TMEM225: variants seen among roughly 807,000 people sequenced by gnomAD.
The protein encoded by TMEM225 is PMP22 claudin domain-containing protein.
TMEM225 carries 10 observed loss-of-function variants against 17.6 expected under a neutral mutation model. The observed-to-expected ratio is 0.57, with a 90% CI of 0.35 to 0.96. The LOEUF is 0.96. Ranked by LOEUF, TMEM225 falls within the 40% of genes least tolerant of loss-of-function variation. The probability of loss-of-function intolerance (pLI) is 0.02; values close to 1 mark genes in which losing one functional copy is unlikely to be tolerated. For missense variants in TMEM225, 245 were observed against 271.5 expected, an observed-to-expected ratio of 0.90 and a Z score of 0.69; for synonymous variants, 101 against 94.5, an observed-to-expected ratio of 1.07 and a Z score of -0.40.
rs768866977 is a variant in TMEM225, at chr11:123,885,322, T to C, written c.104A>G (p.Glu35Gly). The change falls in exon 1 of 4, where the codon GAA becomes GGA. Residue 35 changes from glutamate (E) to glycine (G), a missense_variant. Physicochemically the swap from Glu to Gly is moderately conservative, Grantham distance 98. Coordinates refer to ENST00000375026, the MANE Select transcript of TMEM225 (RefSeq NM_001013743.3). ...GGCTCTTTCATCTTCTGAAATCAAT[T>C]CAACCCATTTATCTAAGGTGATTCC... ...VMGITLDKWV[E>G]LISEDERAKM... 20 of 1,613,546 alleles carry C rather than the reference T, an allele frequency of 1.2e-5. No homozygotes were observed. The highest frequency in any genetic ancestry group is 1.7e-5 in the Admixed American group (1 of 59,960).
At chr11:123,884,701 G>T (rs1462794487) in intron 1 of TMEM225, 65 bp from the exon 2 acceptor site, 7 of 1,480,240 alleles carry the variant, frequency 4.7e-6, no homozygotes, top group South Asian at 2.7e-5. Flanking sequence ...TCTACCTGGG[G>T]TCCAGAAGTC....
rs1565564290 is a variant in TMEM225 at position 123,884,586 on chromosome 11, A to C, written c.232T>G (p.Phe78Val). 6.2e-7 allele frequency: 1 copy of C among 1,613,432 alleles called. No individual in the cohort carries two copies. Among genetic ancestry groups the C allele is most frequent in the South Asian group, 1.1e-5 (1 of 91,032 alleles). The change falls in exon 2 of 4, where the codon TTC becomes GTC. Residue 78 changes from phenylalanine to valine, a missense_variant. Coordinates refer to ENST00000375026, the MANE Select transcript of TMEM225 (RefSeq NM_001013743.3). ...IMMTSSLGLS[F>V]LLNLILGMKF... ...ATACCCAGGATTAAGTTAAGGAGGAAGGAAAGGCCAAGGCTCGACGTCATC... is the reference window on the plus strand; with the variant it reads ...ATACCCAGGATTAAGTTAAGGAGGACGGAAAGGCCAAGGCTCGACGTCATC...
rs770998346 is a variant in TMEM225 at position 123,883,115 on chromosome 11, A to G, written c.*23T>C. The G allele has an allele frequency of 2.5e-6, 4 of 1,599,368 alleles. No homozygotes were observed. The African/African-American group carries it at 4.0e-5, about 16-fold the overall frequency. On this transcript the variant is annotated 3_prime_UTR_variant, in exon 4 of 4. Transcript: ENST00000375026. ...GCTTTTTCCATAAAGATGAGCATAT[A>G]CTGCAAGAAATAGATTGCCAAATCA... is the stretch of plus-strand genomic sequence containing the variant.
rs1292411993 is a variant in TMEM225 at position 123,883,022 on chromosome 11, T to C, written c.*116A>G. ...TTTTAAAAAACCATCTTCCAGATCT[T>C]TTTACAAACCCCAACCATAATTCCA... is the stretch of plus-strand genomic sequence containing the variant. On this transcript the variant is annotated 3_prime_UTR_variant, in exon 4 of 4. Coordinates refer to ENST00000375026, the MANE Select transcript of TMEM225 (RefSeq NM_001013743.3). 5.7e-5 allele frequency: 48 copies of C among 846,836 alleles called. No homozygotes were observed. The East Asian group carries it at 1.2e-3, about 21-fold the overall frequency. The allele number at this position is 846,836 out of a possible 1,614,324, so 52.5% of individuals were successfully genotyped here.
chr11:123,884,285 G>A, intron 2 of TMEM225, 76 bp from the exon 3 acceptor site: 1 of 1,486,238 alleles, frequency 6.7e-7, no homozygotes, highest in Non-Finnish European at 8.9e-7. Context: ...GCTCCTTGAT[G>A]CAAGTCTTCA....
At position 123,885,615 on chromosome 11, in the gene TMEM225, A is replaced by C; in HGVS notation, c.-190T>G. On this transcript the variant is annotated 5_prime_UTR_variant, in exon 1 of 4. Coordinates refer to ENST00000375026, the MANE Select transcript of TMEM225 (RefSeq NM_001013743.3). ...TCACCCTTCCTCACTTCCGTTATCT[A>C]TCAGGGCCAGCCTGCTGTCAGGACT... The C allele has an allele frequency of 3.3e-6, 2 of 597,982 alleles. No homozygotes were observed. Among genetic ancestry groups the C allele is most frequent in the Non-Finnish European group, 2.9e-6 (1 of 344,124 alleles). 37.0% of individuals were successfully genotyped at this position (597,982 alleles called of 1,614,324 possible). A position where few individuals can be genotyped will look rare whatever the true frequency, so the allele number is the denominator to read the frequency against.
Position 123,884,218 on chromosome 11 carries a change from CAGACA to C in TMEM225, c.329-14_329-10del. The stretch of plus-strand genomic sequence containing the variant: ...CCAGAGCAGAGAGATACCTGATGTC[CAGACA>C]AAAAAAAAAAAAAAAAAAGAAAAAG... On this transcript the variant is annotated splice_polypyrimidine_tract_variant and intron_variant, in intron 2 of 3. Transcript: ENST00000375026. The C allele has an allele frequency of 1.6e-6, 2 of 1,241,018 alleles. No individual in the cohort carries two copies. The highest frequency in any genetic ancestry group is 2.1e-5 in the South Asian group (1 of 47,550). The allele number at this position is 1,241,018 out of a possible 1,614,324, so 76.9% of individuals were successfully genotyped here. A position where few individuals can be genotyped will look rare whatever the true frequency, so the allele number is the denominator to read the frequency against.
At chr11:123,885,168 T>TA in intron 1 of TMEM225, 77 bp downstream of exon 1, 1 of 1,323,782 alleles carries the variant, frequency 7.6e-7, no homozygotes, top group Non-Finnish European at 1.1e-6. Context: ...CTGGTGAGAT[T>TA]AATGCAAGTT....
At position 123,884,156 on chromosome 11, in the gene TMEM225, G is replaced by C. The variant is rs762199953; in HGVS notation, c.382C>G (p.Gln128Glu). The C allele has an allele frequency of 6.2e-7, 1 of 1,603,288 alleles. No individual in the cohort carries two copies. The highest frequency in any genetic ancestry group is 8.5e-7 in the Non-Finnish European group (1 of 1,176,466). Residue 128 changes from glutamine to glutamate, a missense_variant, in exon 3 of 4, where the codon CAA becomes GAA. Gln to Glu is a conservative substitution (Grantham distance 29, BLOSUM62 2). Transcript: ENST00000375026. ...ILYHNKLKQG[Q>E]SMHFSSYRIT... is the part of the protein sequence containing the mutation. ...CTATAACTAGAGAAGTGCATGGATT[G>C]ACCTTGCTTCAGCTTATTGTGATAT...
Position 123,884,192 on chromosome 11 carries a change from C to G in TMEM225, c.346G>C (p.Ala116Pro), listed in dbSNP as rs759694156. 1 of 1,591,182 alleles carries G rather than the reference C, an allele frequency of 6.3e-7. No individual in the cohort carries two copies. Among genetic ancestry groups the G allele is most frequent in the South Asian group, 1.1e-5 (1 of 88,734 alleles). Reference protein sequence around the residue: ...SFFSGISLLWALILYHNKLKQ... With the variant: ...SFFSGISLLWPLILYHNKLKQ... The stretch of plus-strand genomic sequence containing the variant: ...AGCTTATTGTGATATAGTATGAGTG[C>G]CCAGAGCAGAGAGATACCTGATGTC... The change falls in exon 3 of 4, where the codon GCA becomes CCA. Residue 116 changes from alanine to proline, a missense_variant. Coordinates refer to ENST00000375026, the MANE Select transcript of TMEM225 (RefSeq NM_001013743.3).
In TMEM225 at chr11:123,883,007, C is replaced by A. The variant is rs567225054; in HGVS notation, c.*131G>T. 3 of 684,124 alleles carry A rather than the reference C, an allele frequency of 4.4e-6. No homozygotes were observed. Among genetic ancestry groups the A allele is most frequent in the East Asian group, 2.8e-5 (1 of 36,218 alleles). The allele number at this position is 684,124 out of a possible 1,614,324, so 42.4% of individuals were successfully genotyped here. A position where few individuals can be genotyped will look rare whatever the true frequency, so the allele number is the denominator to read the frequency against. On this transcript the variant is annotated 3_prime_UTR_variant, in exon 4 of 4. Transcript: ENST00000375026. ...CAGCAGGCCAGGATTTTTTAAAAAACCATCTTCCAGATCTTTTTACAAACC... is the reference window on the plus strand; with the variant it reads ...CAGCAGGCCAGGATTTTTTAAAAAAACATCTTCCAGATCTTTTTACAAACC...
rs1343459346 is a variant in TMEM225 at position 123,884,173 on chromosome 11, T to C, written c.365A>G (p.Asn122Ser). 1 of 1,607,840 alleles carries C rather than the reference T, an allele frequency of 6.2e-7. No homozygotes were observed. The highest frequency in any genetic ancestry group is 8.5e-7 in the Non-Finnish European group (1 of 1,178,740). The change falls in exon 3 of 4, where the codon AAT becomes AGT. Residue 122 changes from asparagine (N) to serine (S), a missense_variant. Transcript: ENST00000375026. ...SLLWALILYH[N>S]KLKQGQSMHF... is the part of the protein sequence containing the mutation. The stretch of plus-strand genomic sequence containing the variant: ...CATGGATTGACCTTGCTTCAGCTTA[T>C]TGTGATATAGTATGAGTGCCCAGAG...
Position 123,884,734 on chromosome 11 carries a change from G to A in TMEM225, c.182-98C>T, listed in dbSNP as rs17127860. ...GTCTCTAGGTGAAAATTGGAATAGG[G>A]TGAAAGATTTGATTAAACAATAAGA... On this transcript the variant is annotated intron_variant, in intron 1 of 3. Transcript: ENST00000375026. 3,523 of 1,187,474 alleles carry A rather than the reference G, an allele frequency of 3.0e-3. 98 individuals are homozygous for A. In the African/African-American group the frequency reaches 0.048, roughly 16 times the overall value. 73.6% of individuals were successfully genotyped at this position (1,187,474 alleles called of 1,614,324 possible). A position where few individuals can be genotyped will look rare whatever the true frequency, so the allele number is the denominator to read the frequency against.
rs1197899629 is a variant in TMEM225, at chr11:123,884,228, A to G, written c.329-19T>C. 2 of 1,472,332 alleles carry G rather than the reference A, an allele frequency of 1.4e-6. No individual in the cohort carries two copies. Among genetic ancestry groups the G allele is most frequent in the African/African-American group, 2.9e-5 (2 of 69,514 alleles). 91.2% of individuals were successfully genotyped at this position (1,472,332 alleles called of 1,614,324 possible). ...GAGATACCTGATGTCCAGACAAAAAAAAAAAAAAAAAAAGAAAAAGAAAAA... is the reference window on the plus strand; with the variant it reads ...GAGATACCTGATGTCCAGACAAAAAGAAAAAAAAAAAAAGAAAAAGAAAAA... On this transcript the variant is annotated intron_variant, in intron 2 of 3. Coordinates refer to ENST00000375026, the MANE Select transcript of TMEM225 (RefSeq NM_001013743.3).
Position 123,884,072 on chromosome 11 carries a change from C to T in TMEM225, c.463+3G>A. On this transcript the variant is annotated splice_donor_region_variant and intron_variant, in intron 3 of 3. Transcript: ENST00000375026. ...ACCCTTCAGGGGCCCTGGAGACACT[C>T]ACCACAGACAGACAAGAAGAAAACA... 6.2e-7 allele frequency: 1 copy of T among 1,606,022 alleles called. No homozygotes were observed. Among genetic ancestry groups the T allele is most frequent in the Non-Finnish European group, 8.5e-7 (1 of 1,176,554 alleles).
chr11:123,885,082 G>T (rs1412554003), intron 1 of TMEM225, among the ~76,000 whole-genome samples, 163 bp downstream of exon 1: 2 of 152,152 alleles, frequency 1.3e-5, no homozygotes, highest in Admixed American at 6.5e-5. Flanking sequence ...TTTGGAATCT[G>T]CCTTGACTGT....
intron 1 of TMEM225, 43 bp from the exon 2 acceptor site, chr11:123,884,679 T>C (rs1290341512): frequency 1.3e-6 from 2 of 1,565,594 alleles, no homozygotes; most frequent in African/African-American, 2.7e-5. Flanking sequence ...AGATATTTCT[T>C]CTAGACTCAT....
rs1045057148 is a variant in TMEM225 at position 123,885,644 on chromosome 11, A to G, written c.-219T>C. On this transcript the variant is annotated 5_prime_UTR_variant, in exon 1 of 4. Coordinates refer to ENST00000375026, the MANE Select transcript of TMEM225 (RefSeq NM_001013743.3). ...GGGCCAGCCTGCTGTCAGGACTGCCAACTGCCATGGAATCATCTATTGGTT... is the reference window on the plus strand; with the variant it reads ...GGGCCAGCCTGCTGTCAGGACTGCCGACTGCCATGGAATCATCTATTGGTT... The G allele has an allele frequency of 1.8e-6, 1 of 553,558 alleles. No individual in the cohort carries two copies. Among genetic ancestry groups the G allele is most frequent in the Non-Finnish European group, 3.2e-6 (1 of 314,098 alleles). 34.3% of individuals were successfully genotyped at this position (553,558 alleles called of 1,614,324 possible).
rs1431029614 is a variant in TMEM225 at position 123,883,209 on chromosome 11, T to C, written c.607A>G (p.Ile203Val). The change falls in exon 4 of 4, where the codon ATT becomes GTT. Residue 203 changes from isoleucine (I) to valine (V), a missense_variant. By Grantham distance (29) the Ile-to-Val change is conservative (BLOSUM62 3). Coordinates refer to ENST00000375026, the MANE Select transcript of TMEM225 (RefSeq NM_001013743.3). ...LPECTAMPRS[I>V]VRAHTVNSLN... ...GAATTCACAGTGTGTGCACGGACAA[T>C]GCTACGAGGCATTGCAGTGCATTCT... is the stretch of plus-strand genomic sequence containing the variant. 3.7e-6 allele frequency: 6 copies of C among 1,613,506 alleles called. No homozygotes were observed. The highest frequency in any genetic ancestry group is 5.1e-6 in the Non-Finnish European group (6 of 1,179,592).
Sources: allele counts gnomAD v4.1 joint callset (sites outside exome capture counted in the v4.1 genomes callset), GRCh38; gene constraint gnomAD v4.1.1; transcripts MANE v1.5; gene names NCBI Gene and HGNC (gene_info 2026-07-23, HGNC 2026-07-21).